CACNA2D1: variants seen among roughly 807,000 people sequenced by gnomAD.
CACNA2D1 encodes calcium voltage-gated channel auxiliary subunit alpha2delta 1, also known as voltage-dependent calcium channel subunit alpha-2/delta-1.
Under a neutral mutation model 171.5 loss-of-function variants are expected in CACNA2D1, and 53 were observed. That is an observed-to-expected ratio of 0.31 (90% CI 0.25 to 0.39). CACNA2D1 has a LOEUF of 0.39. Ranked by LOEUF, CACNA2D1 falls within the 10% of genes least tolerant of loss-of-function variation. CACNA2D1 has a pLI of 1.00. For missense variants in CACNA2D1, 903 were observed against 1,299.8 expected, an observed-to-expected ratio of 0.69 and a Z score of 4.69; for synonymous variants, 442 against 443.1, an observed-to-expected ratio of 1.00 and a Z score of 0.03.
intron 3 of CACNA2D1, among the ~76,000 whole-genome samples, chr7:82,297,393 G>A (rs1812432870): frequency 6.6e-6 from 1 of 152,124 alleles, no homozygotes; most frequent in African/African-American, 2.4e-5. Context: ...CCTTTGTGGG[G>A]GGAGATGTTG....
chr7:82,249,384 G>T (rs190661022), intron 3 of CACNA2D1, among the ~76,000 whole-genome samples: 1 of 152,248 alleles, frequency 6.6e-6, no homozygotes, highest in Admixed American at 6.5e-5. Flanking sequence ...ACAATAATCC[G>T]GGAATGGAAT....
At chr7:82,367,038 C>G (rs1821817289) in intron 1 of CACNA2D1, among the ~76,000 whole-genome samples, 1 of 150,984 alleles carries the variant, frequency 6.6e-6, no homozygotes, top group Non-Finnish European at 1.5e-5. Context: ...TCCCAAGTAG[C>G]TGGGACTACA....
intron 5 of CACNA2D1, among the ~76,000 whole-genome samples, chr7:82,133,464 T>A (rs893797624): frequency 6.6e-6 from 1 of 152,192 alleles, no homozygotes; most frequent in Non-Finnish European, 1.5e-5. Context: ...GGAAATAATG[T>A]CTCTGTACCT....
chr7:82,007,684 A>T lies in CACNA2D1; in HGVS notation c.1435T>A (p.Leu479Ile). Residue 479 changes from leucine to isoleucine, a missense_variant, in exon 16 of 39, where the codon TTA becomes ATA. Physicochemically the swap from Leu to Ile is conservative, Grantham distance 5 (BLOSUM62 2). Transcript: ENST00000356860. ...ITGQFENKTN[L>I]KNQLILGVMG... ...TTTATCAATTAACTTTTAACCTTTA[A>T]GTTTGTCTTATTTTCAAATTGGCCG... 1 of 1,531,506 alleles carries T rather than the reference A, an allele frequency of 6.5e-7. No individual in the cohort carries two copies. The highest frequency in any genetic ancestry group is 2.3e-5 in the East Asian group (1 of 44,332). The allele number at this position is 1,531,506 out of a possible 1,614,324, so 94.9% of individuals were successfully genotyped here.
At chr7:82,124,356 G>C (rs1404038205) in intron 5 of CACNA2D1, among the ~76,000 whole-genome samples, 1 of 152,064 alleles carries the variant, frequency 6.6e-6, no homozygotes, top group East Asian at 1.9e-4. Flanking sequence ...AAAATGGAAA[G>C]TACCTCTGAT....
intron 1 of CACNA2D1, among the ~76,000 whole-genome samples, chr7:82,375,808 C>A (rs2190237): frequency 6.6e-6 from 1 of 151,980 alleles, no homozygotes; most frequent in Non-Finnish European, 1.5e-5. Flanking sequence ...CTTAATTGCC[C>A]ACAGCCCCAA....
chr7:82,026,411 A>T (rs1372968591), intron 12 of CACNA2D1, among the ~76,000 whole-genome samples: 2 of 151,672 alleles, frequency 1.3e-5, no homozygotes, highest in African/African-American at 2.4e-5. Flanking sequence ...GAACTTATTT[A>T]AAAAAAGTTT....
chr7:81,995,466 G>C (rs570723122), intron 19 of CACNA2D1, among the ~76,000 whole-genome samples: 34 of 152,228 alleles, frequency 2.2e-4, no homozygotes, highest in Admixed American at 1.6e-3. Context: ...GAATAATAGA[G>C]TTGAGTCTCC....
intron 21 of CACNA2D1, among the ~76,000 whole-genome samples, chr7:81,989,651 A>G (rs1797332053): frequency 6.6e-6 from 1 of 152,182 alleles, no homozygotes; most frequent in Non-Finnish European, 1.5e-5. Context: ...ATTTTAGGTG[A>G]TATGTCAGCT....
intron 1 of CACNA2D1, among the ~76,000 whole-genome samples, chr7:82,402,815 G>A (rs182663898): frequency 1.8e-3 from 277 of 151,904 alleles, no homozygotes; most frequent in African/African-American, 6.3e-3. Context: ...AAAATAAAGA[G>A]GGGACATGAT....
intron 16 of CACNA2D1, among the ~76,000 whole-genome samples, chr7:82,006,922 T>C (rs1254533874): frequency 6.6e-6 from 1 of 152,090 alleles, no homozygotes; most frequent in Non-Finnish European, 1.5e-5. Context: ...GAAATAAATA[T>C]CTACTCAAAT....
intron 4 of CACNA2D1, among the ~76,000 whole-genome samples, chr7:82,163,527 C>A (rs565283183): frequency 6.6e-6 from 1 of 152,020 alleles, no homozygotes; most frequent in East Asian, 1.9e-4. Context: ...AATAAAGACA[C>A]ACAAAGAAAG....
intron 6 of CACNA2D1, among the ~76,000 whole-genome samples, chr7:82,116,593 AAGAG>A (rs1260075614): frequency 6.6e-6 from 1 of 152,176 alleles, no homozygotes; most frequent in East Asian, 1.9e-4. Flanking sequence ...GGGAGGGAAA[AAGAG>A]AGAGAGACTG....
At chr7:82,406,085 T>C (rs928730468) in intron 1 of CACNA2D1, among the ~76,000 whole-genome samples, 1 of 151,718 alleles carries the variant, frequency 6.6e-6, no homozygotes, top group Non-Finnish European at 1.5e-5. Context: ...TTCCCCACCC[T>C]GTGTCCAAGT....
intron 3 of CACNA2D1, among the ~76,000 whole-genome samples, chr7:82,180,713 G>A (rs983227401): frequency 3.5e-4 from 54 of 152,204 alleles, no homozygotes; most frequent in African/African-American, 1.2e-3. Context: ...AAACTAAAAT[G>A]CATAAAACAG....
chr7:82,323,972 G>A (rs1348761532), intron 3 of CACNA2D1, among the ~76,000 whole-genome samples: 1 of 151,928 alleles, frequency 6.6e-6, no homozygotes, highest in African/African-American at 2.4e-5. Flanking sequence ...TTTTTCAAAA[G>A]TGCCTTTGTT....
chr7:82,289,913 GAA>G (rs10541484), intron 3 of CACNA2D1, among the ~76,000 whole-genome samples: 8,469 of 152,284 alleles, frequency 0.056, 762 homozygotes, highest in African/African-American at 0.19. Flanking sequence ...ATTTTCCACT[GAA>G]AAGACTGCCT....
intron 2 of CACNA2D1, among the ~76,000 whole-genome samples, chr7:82,337,404 T>C (rs1016516747): frequency 6.6e-6 from 1 of 152,180 alleles, no homozygotes; most frequent in Non-Finnish European, 1.5e-5. Context: ...TCCTGATATA[T>C]GTTTAGTAAA....
At chr7:81,983,445 G>A (rs1340381099) in intron 22 of CACNA2D1, 111 bp from the exon 23 acceptor site, 5 of 824,190 alleles carry the variant, frequency 6.1e-6, no homozygotes, top group Non-Finnish European at 1.0e-5. Flanking sequence ...TAAAAATATT[G>A]TGCATAGATC....
Sources: gnomAD v4.1 joint callset for allele counts (sites outside exome capture counted in the v4.1 genomes callset) on GRCh38, gnomAD v4.1.1 for gene constraint, MANE v1.5 for transcripts, NCBI Gene and HGNC (gene_info 2026-07-23, HGNC 2026-07-21) for gene names.